DNAH14: variants seen among roughly 807,000 people sequenced by gnomAD.
DNAH14 encodes dynein axonemal heavy chain 14, also known as axonemal beta dynein heavy chain 14.
In DNAH14, 478 loss-of-function variants were observed where a neutral mutation model predicts 520.9. The ratio of observed to expected loss-of-function variants is 0.92; its 90% CI spans 0.85 to 0.99. The LOEUF is 0.99. Among genes scored for constraint, DNAH14 ranks in the 50% least tolerant of loss-of-function variants. The pLI, the probability that DNAH14 is intolerant of heterozygous loss-of-function variation, is 0.00. For synonymous variants in DNAH14, 1,581 were observed against 1,757.2 expected, an observed-to-expected ratio of 0.90 and a Z score of 2.51; for missense variants, 4,831 against 5,234.5, an observed-to-expected ratio of 0.92 and a Z score of 2.38.
chr1:225,250,914 G>T (rs2092520234), intron 43 of DNAH14, among the ~76,000 whole-genome samples: 1 of 152,034 alleles, frequency 6.6e-6, no homozygotes, highest in Non-Finnish European at 1.5e-5. Flanking sequence ...TGGAAGTGTG[G>T]CCTTAATCCC....
intron 10 of DNAH14, among the ~76,000 whole-genome samples, chr1:225,007,927 C>CTTT (rs71170042): frequency 1.7e-4 from 25 of 144,332 alleles, no homozygotes; most frequent in African/African-American, 5.8e-4. Flanking sequence ...TTTCTTTTTT[C>CTTT]TTTTTTTTTT....
chr1:225,323,926 G>A (rs1168542051), intron 62 of DNAH14, among the ~76,000 whole-genome samples: 6 of 151,514 alleles, frequency 4.0e-5, no homozygotes, highest in South Asian at 2.1e-4. Flanking sequence ...AGTGATTCTC[G>A]TGCCTCAGCT....
chr1:225,107,564 G>T (rs1384691292), intron 23 of DNAH14, among the ~76,000 whole-genome samples: 7 of 152,182 alleles, frequency 4.6e-5, no homozygotes, highest in Non-Finnish European at 1.5e-5. Context: ...TAGTAGGCAA[G>T]ATAGAAGTGG....
chr1:225,300,142 A>G (rs934220149), intron 55 of DNAH14, among the ~76,000 whole-genome samples: 2 of 152,154 alleles, frequency 1.3e-5, no homozygotes, highest in Non-Finnish European at 2.9e-5. Flanking sequence ...ATATGAATTC[A>G]GTTAAATTAA....
At chr1:225,106,244 G>C (rs1410360889) in intron 23 of DNAH14, among the ~76,000 whole-genome samples, 2 of 151,746 alleles carry the variant, frequency 1.3e-5, no homozygotes, top group African/African-American at 4.9e-5. Context: ...TTTCTGCCGA[G>C]AGACCAGCTG....
intron 17 of DNAH14, among the ~76,000 whole-genome samples, chr1:225,055,025 A>C (rs1208599737): frequency 6.6e-6 from 1 of 150,776 alleles, no homozygotes; most frequent in Non-Finnish European, 1.5e-5. Context: ...TGTATTGATC[A>C]GTTGATCTTA....
chr1:225,284,851 G>A (rs549376910), intron 54 of DNAH14, among the ~76,000 whole-genome samples: 15 of 152,240 alleles, frequency 9.9e-5, no homozygotes, highest in Non-Finnish European at 1.5e-4. Flanking sequence ...AATCATTAAT[G>A]CAATATATCT....
intron 61 of DNAH14, among the ~76,000 whole-genome samples, chr1:225,320,370 T>C (rs1335601967): frequency 2.0e-5 from 3 of 152,248 alleles, no homozygotes; most frequent in Admixed American, 6.5e-5. Flanking sequence ...TCTGATCAAG[T>C]AGGCCCTTTT....
At chr1:225,225,570 GA>G (rs1257458539) in intron 41 of DNAH14, among the ~76,000 whole-genome samples, 2 of 151,520 alleles carry the variant, frequency 1.3e-5, no homozygotes, top group East Asian at 1.9e-4. Flanking sequence ...AATATGCTCA[GA>G]AAAAAAAGGA....
At chr1:225,314,957 G>C (rs566944927) in intron 60 of DNAH14, among the ~76,000 whole-genome samples, 2 of 152,230 alleles carry the variant, frequency 1.3e-5, no homozygotes, top group South Asian at 4.1e-4. Flanking sequence ...AGTGTTCTCT[G>C]TATTTCCTGG....
rs565864231 is a variant in DNAH14 at position 225,392,447 on chromosome 1, T to G, written c.13487T>G (p.Phe4496Cys). 45 of 1,551,752 alleles carry G rather than the reference T, an allele frequency of 2.9e-5. 1 individual carries two copies. The South Asian group carries it at 5.1e-4, about 18-fold the overall frequency. ...PKKLNIVRRA[F>C]KGSASSHTGV... ...AAACTCAACATAGTCAGGAGAGCGT[T>G]TAAGGTACTGGAATACTTCAAGGAT... Residue 4496 changes from phenylalanine (F) to cysteine (C), a missense_variant, in exon 84 of 86, where the codon TTT (phenylalanine) becomes TGT (cysteine). Physicochemically the swap from Phe to Cys is radical, Grantham distance 205. Transcript: ENST00000682510.
intron 23 of DNAH14, among the ~76,000 whole-genome samples, chr1:225,103,928 T>TTGAATAAGAGTGGTGAGAGAGGGCA (rs2075769156): frequency 6.6e-6 from 1 of 151,102 alleles, no homozygotes; most frequent in African/African-American, 2.4e-5. Flanking sequence ...CAACACTATG[T>TTGAATAAGAGTGGTGAGAGAGGGCA]TGAATAGGAG....
chr1:225,390,380 G>A (rs2095892848), intron 83 of DNAH14, among the ~76,000 whole-genome samples: 1 of 152,146 alleles, frequency 6.6e-6, no homozygotes, highest in South Asian at 2.1e-4. Flanking sequence ...TGGTCGTGGG[G>A]TGGAAAGAGA....
intron 42 of DNAH14, among the ~76,000 whole-genome samples, chr1:225,233,063 T>G (rs775638751): frequency 6.6e-6 from 1 of 152,184 alleles, no homozygotes; most frequent in Non-Finnish European, 1.5e-5. Context: ...TAGTGTTTGG[T>G]TTTCTGTTCC....
intron 55 of DNAH14, among the ~76,000 whole-genome samples, chr1:225,290,663 ATATATATATATATATATATATATATATAT>A (rs1558282598): frequency 9.3e-6 from 1 of 107,104 alleles, no homozygotes; most frequent in East Asian, 2.7e-4. Flanking sequence ...ATATATATAT[ATATATATATATATATATATATATATATAT>A]ATTTCCTCCA....
Position 225,380,306 on chromosome 1 carries a change from T to G in DNAH14, c.12864T>G (p.Leu4288=). 2 of 1,551,380 alleles carry G rather than the reference T, an allele frequency of 1.3e-6. No homozygotes were observed. Among genetic ancestry groups the G allele is most frequent in the Non-Finnish European group, 1.7e-6 (2 of 1,146,854 alleles). The change falls in exon 80 of 86, where the codon CTT becomes CTG. Residue 4288 remains leucine (L), a synonymous_variant. Coordinates refer to ENST00000682510, the MANE Select transcript of DNAH14 (RefSeq NM_001367479.1). The stretch of plus-strand genomic sequence containing the variant: ...TGTCAAGCTCCATTTGGGAGTCTCT[T>G]TCTAAAAATCTCAAAGGTGAGCATG... ...SMMSSSIWES[L]SKNLKDHDPL...
At chr1:225,324,494 T>C in intron 63 of DNAH14, 141 bp downstream of exon 63, 1 of 1,191,378 alleles carries the variant, frequency 8.4e-7, no homozygotes, top group Middle Eastern at 2.4e-4. Flanking sequence ...AATGTTATTC[T>C]AACTCACACA....
intron 11 of DNAH14, chr1:225,024,748 A>T (rs1306573891): frequency 6.6e-6 from 1 of 152,160 alleles, no homozygotes; most frequent in Non-Finnish European, 1.5e-5. Flanking sequence ...ATTTAGTGAT[A>T]GTGCATTATA....
rs1411932156 is a variant in DNAH14, at chr1:224,967,577, C to A, written c.645C>A (p.Ile215=). ...KEFWVITASF[I]SKVINIVGSV... is the part of the protein sequence containing the mutation. Reference sequence around the variant, plus strand: ...TTTGGGTTATTACTGCTTCATTTATCTCAAAGGTAATGTTTAATGGATGTT... The same window carrying A: ...TTTGGGTTATTACTGCTTCATTTATATCAAAGGTAATGTTTAATGGATGTT... The change falls in exon 6 of 86, where the codon ATC becomes ATA. Residue 215 remains isoleucine (I), a synonymous_variant. Coordinates refer to ENST00000682510, the MANE Select transcript of DNAH14 (RefSeq NM_001367479.1). 2 of 1,600,154 alleles carry A rather than the reference C, an allele frequency of 1.2e-6. No individual in the cohort carries two copies. The highest frequency in any genetic ancestry group is 2.3e-5 in the East Asian group (1 of 44,278).
Sources: gnomAD v4.1 joint callset for allele counts (sites outside exome capture counted in the v4.1 genomes callset) on GRCh38, gnomAD v4.1.1 for gene constraint, MANE v1.5 for transcripts, NCBI Gene and HGNC (gene_info 2026-07-23, HGNC 2026-07-21) for gene names.